PDE8A: variants seen among roughly 807,000 people sequenced by gnomAD.
PDE8A encodes the protein phosphodiesterase 8A.
In PDE8A, 59 loss-of-function variants were observed where a neutral mutation model predicts 105.0. The ratio of observed to expected loss-of-function variants is 0.56; its 90% CI spans 0.46 to 0.70. PDE8A has a LOEUF of 0.70. Among genes scored for constraint, PDE8A ranks in the 30% least tolerant of loss-of-function variants. The pLI is 0.00. For missense variants in PDE8A, 1,014 were observed against 1,045.9 expected, an observed-to-expected ratio of 0.97 and a Z score of 0.42; for synonymous variants, 355 against 371.9, an observed-to-expected ratio of 0.95 and a Z score of 0.52.
At chr15:84,993,095 C>T (rs1158660802) in intron 1 of PDE8A, among the ~76,000 whole-genome samples, 1 of 152,188 alleles carries the variant, frequency 6.6e-6, no homozygotes, top group Admixed American at 6.5e-5. Flanking sequence ...TAAACTTTTA[C>T]TTTTCCTGAT....
At chr15:85,071,054 C>T (rs1414088483) in intron 3 of PDE8A, among the ~76,000 whole-genome samples, 1 of 152,086 alleles carries the variant, frequency 6.6e-6, no homozygotes, top group Non-Finnish European at 1.5e-5. Context: ...TAAATAAAAA[C>T]CCACAAAGAT....
chr15:85,017,836 G>A (rs1383575582), intron 1 of PDE8A, among the ~76,000 whole-genome samples: 8 of 129,362 alleles, frequency 6.2e-5, no homozygotes, highest in South Asian at 2.5e-4. Flanking sequence ...GCAGTGAGCC[G>A]AGATCGCGCC....
At chr15:84,991,894 T>G (rs913895644) in intron 1 of PDE8A, among the ~76,000 whole-genome samples, 10 of 152,118 alleles carry the variant, frequency 6.6e-5, no homozygotes, top group African/African-American at 2.2e-4. Context: ...ACACCTGTAA[T>G]CCCAGCACTT....
In PDE8A at chr15:85,137,561, T is replaced by C. The variant is rs111532322; in HGVS notation, c.2384-236T>C. Among the ~76,000 whole-genome samples the C allele has an allele frequency of 8.7e-3, 1,322 of 152,296 alleles. 15 individuals are homozygous for C. The highest frequency in any genetic ancestry group is 0.031 in the African/African-American group (1,269 of 41,552). On this transcript the variant is annotated intron_variant, in intron 21 of 21. Coordinates refer to ENST00000394553, the MANE Select transcript of PDE8A (RefSeq NM_002605.3). ...TAAGCAGATTAGCCACCTTCTGTTT[T>C]ATTTACCACAGTTACCAGCTCAGCA...
chr15:85,074,959 C>A (rs1186229869), intron 3 of PDE8A, among the ~76,000 whole-genome samples: 3 of 152,124 alleles, frequency 2.0e-5, no homozygotes, highest in Non-Finnish European at 4.4e-5. Context: ...TTTTAGAGTC[C>A]CTCTCCAACA....
intron 7 of PDE8A, 147 bp from the exon 8 acceptor site, chr15:85,090,897 T>C: frequency 4.3e-6 from 3 of 696,320 alleles, no homozygotes; most frequent in South Asian, 1.6e-5. Context: ...TATGTGCTTA[T>C]GGCTTCACAA....
chr15:85,031,566 G>A (rs549342824), intron 1 of PDE8A, among the ~76,000 whole-genome samples: 4 of 152,116 alleles, frequency 2.6e-5, no homozygotes, highest in South Asian at 4.2e-4. Flanking sequence ...TATAGCACAC[G>A]CAGCAATACC....
intron 1 of PDE8A, among the ~76,000 whole-genome samples, chr15:85,053,494 T>C (rs906657318): frequency 9.2e-5 from 14 of 152,216 alleles, no homozygotes; most frequent in Non-Finnish European, 1.6e-4. Flanking sequence ...TCTTTTATTT[T>C]GTTGAGCAGT....
At chr15:85,116,362 A>G in intron 16 of PDE8A, 1 of 492,556 alleles carries the variant, frequency 2.0e-6, no homozygotes, top group Non-Finnish European at 3.6e-6. Context: ...CAAGTAGCAC[A>G]GGACTTTTTT....
chr15:84,992,727 G>T (rs2079905879), intron 1 of PDE8A, among the ~76,000 whole-genome samples: 1 of 152,170 alleles, frequency 6.6e-6, no homozygotes, highest in Non-Finnish European at 1.5e-5. Context: ...GACTTGGTGA[G>T]TGAAAGGGCG....
intron 11 of PDE8A, among the ~76,000 whole-genome samples, chr15:85,106,651 G>T (rs1293034437): frequency 6.6e-6 from 1 of 152,206 alleles, no homozygotes; most frequent in Non-Finnish European, 1.5e-5. Flanking sequence ...AGGGTGCAGT[G>T]TTGTGTCTCA....
At chr15:85,033,592 T>C (rs545820414) in intron 1 of PDE8A, among the ~76,000 whole-genome samples, 30 of 152,206 alleles carry the variant, frequency 2.0e-4, no homozygotes, top group African/African-American at 6.0e-4. Flanking sequence ...AAGCCAGGCG[T>C]GGTGGCTCAC....
At chr15:85,007,102 G>C (rs1167155358) in intron 1 of PDE8A, among the ~76,000 whole-genome samples, 1 of 152,164 alleles carries the variant, frequency 6.6e-6, no homozygotes, top group Non-Finnish European at 1.5e-5. Context: ...GCATTTCGCA[G>C]AATGTCCAGT....
upstream of PDE8A, among the ~76,000 whole-genome samples, chr15:84,981,479 C>G (rs1271860722): frequency 1.3e-5 from 2 of 152,190 alleles, no homozygotes; most frequent in Non-Finnish European, 2.9e-5. Context: ...CCGCTGGAGC[C>G]GAGCTGCTCC....
chr15:84,982,340 G>A lies in PDE8A; in HGVS notation c.178G>A (p.Gly60Ser), dbSNP rs1180153449. 1 of 1,327,732 alleles carries A rather than the reference G, an allele frequency of 7.5e-7. No homozygotes were observed. Among genetic ancestry groups the A allele is most frequent in the Non-Finnish European group, 9.6e-7 (1 of 1,042,334 alleles). The allele number at this position is 1,327,732 out of a possible 1,614,324, so 82.2% of individuals were successfully genotyped here. A position where few individuals can be genotyped will look rare whatever the true frequency, so the allele number is the denominator to read the frequency against. ...LLESELRDGS[G>S]KKVAVADVQF... Reference sequence around the variant, plus strand: ...GGAGTCGGAGCTTCGCGACGGCAGCGGCAAGAAGGTAAGGGGCGCCGGGCA... The same window carrying A: ...GGAGTCGGAGCTTCGCGACGGCAGCAGCAAGAAGGTAAGGGGCGCCGGGCA... The change falls in exon 1 of 22, where the codon GGC (glycine) becomes AGC (serine). Residue 60 changes from glycine to serine, a missense_variant. Physicochemically the swap from Gly to Ser is moderately conservative, Grantham distance 56 (BLOSUM62 0). Coordinates refer to ENST00000394553, the MANE Select transcript of PDE8A (RefSeq NM_002605.3).
intron 1 of PDE8A, among the ~76,000 whole-genome samples, chr15:85,006,645 G>A (rs559028909): frequency 6.6e-6 from 1 of 151,332 alleles, no homozygotes; most frequent in Non-Finnish European, 1.5e-5. Flanking sequence ...TTCTTCTTGT[G>A]TAGATTTTTT....
chr15:85,084,228 A>G (rs1035988651), intron 6 of PDE8A, among the ~76,000 whole-genome samples: 4 of 152,162 alleles, frequency 2.6e-5, no homozygotes, highest in African/African-American at 9.7e-5. Flanking sequence ...TTCCTTTACT[A>G]GGGATCAAAG....
At chr15:85,017,273 AAAAT>A (rs1248906940) in intron 1 of PDE8A, among the ~76,000 whole-genome samples, 1 of 151,950 alleles carries the variant, frequency 6.6e-6, no homozygotes, top group Non-Finnish European at 1.5e-5. Flanking sequence ...AAAAAAAAAA[AAAAT>A]AAATAAATGA....
rs79210877 is a variant in PDE8A, at chr15:85,127,372, C to G, written c.2253+998C>G. ...GAGGTTTAAAGAACAAAAAGTAAGA[C>G]ATACATTTGCTTCTGTTTGCAGATG... On this transcript the variant is annotated intron_variant, in intron 20 of 21. Coordinates refer to ENST00000394553, the MANE Select transcript of PDE8A (RefSeq NM_002605.3). 8.5e-3 allele frequency among the ~76,000 whole-genome samples: 1,295 copies of G among 152,218 alleles called. 21 individuals carry two copies. The highest frequency in any genetic ancestry group is 0.029 in the African/African-American group (1,224 of 41,520).
Sources: gnomAD v4.1 joint callset for allele counts (sites outside exome capture counted in the v4.1 genomes callset) on GRCh38, gnomAD v4.1.1 for gene constraint, MANE v1.5 for transcripts, NCBI Gene and HGNC (gene_info 2026-07-23, HGNC 2026-07-21) for gene names.